The following HACL1 variants were observed in gnomAD, a reference collection of about 807,000 sequenced individuals.
HACL1 encodes the protein 1600020H07Rik.
In HACL1, 64 loss-of-function variants were observed where a neutral mutation model predicts 74.2. The ratio of observed to expected loss-of-function variants is 0.86; its 90% confidence interval spans 0.70 to 1.06. The LOEUF (loss-of-function observed/expected upper bound fraction) is 1.06. Ranked by LOEUF, HACL1 falls within the 50% of genes least tolerant of loss-of-function variation. The pLI is 0.00. For synonymous variants in HACL1, 230 were observed against 238.8 expected (o/e 0.96, Z 0.34); for missense variants, 728 against 719.7 (o/e 1.01, Z -0.13).
rs1055990257 is a variant in HACL1 at position 15,560,814 on chromosome 3, T to C, written c.*51A>G. 1.5e-6 allele frequency: 2 copies of C among 1,305,242 alleles called. No homozygotes were observed. The highest frequency in any genetic ancestry group is 2.9e-5 in the African/African-American group (2 of 67,920). 80.9% of individuals were successfully genotyped at this position (1,305,242 alleles called of 1,614,324 possible). A position where few individuals can be genotyped will look rare whatever the true frequency, so the allele number is the denominator to read the frequency against. ...AGTAATTTTGCTGTGGAAAATAAAA[T>C]TTCATCTTGCAAGAAAGAGAAAACT... On this transcript the variant is annotated 3_prime_UTR_variant, in exon 17 of 17. Coordinates refer to ENST00000321169, the MANE Select transcript of HACL1 (RefSeq NM_012260.4).
chr3:15,567,926 T>C lies in HACL1; in HGVS notation c.1327A>G (p.Arg443Gly). Reference protein sequence around the residue: ...AIAAAVVAKDRSPGQWIICVE... With the variant: ...AIAAAVVAKDGSPGQWIICVE... The stretch of plus-strand genomic sequence containing the variant: ...CAGATGATCCATTGCCCAGGGCTTC[T>C]ATCTTTAGCCACCACGGCAGCTGCA... The change falls in exon 14 of 17, where the codon AGA becomes GGA. Residue 443 changes from arginine to glycine, a missense_variant. Arg to Gly is a moderately radical substitution (Grantham distance 125). Transcript: ENST00000321169. The C allele has an allele frequency of 1.2e-6, 2 of 1,614,070 alleles. No homozygotes were observed. The highest frequency in any genetic ancestry group is 1.7e-6 in the Non-Finnish European group (2 of 1,179,876).
intron 2 of HACL1, among the ~76,000 whole-genome samples, chr3:15,599,563 A>T (rs912784272): frequency 6.6e-6 from 1 of 151,794 alleles, no homozygotes; most frequent in Non-Finnish European, 1.5e-5. Flanking sequence ...CCTCCCCTCA[A>T]CCTACCTACC....
chr3:15,588,676 T>G (rs2063834889), intron 5 of HACL1, among the ~76,000 whole-genome samples: 1 of 152,190 alleles, frequency 6.6e-6, no homozygotes, highest in Admixed American at 6.5e-5. Context: ...CTCAAACATT[T>G]GGGCTCCAGC....
intron 5 of HACL1, among the ~76,000 whole-genome samples, chr3:15,588,195 T>A (rs140218086): frequency 2.0e-5 from 3 of 152,194 alleles, no homozygotes; most frequent in African/African-American, 7.2e-5. Context: ...TGCCCGGCTG[T>A]CTAATGATTT....
chr3:15,591,782 A>G, intron 3 of HACL1, 102 bp from the exon 4 acceptor site: 1 of 682,634 alleles, frequency 1.5e-6, no homozygotes, highest in Admixed American at 2.5e-5. Flanking sequence ...AAGGAAGGAC[A>G]TACAAGTCTT....
chr3:15,562,850 C>G (rs544245678), intron 16 of HACL1, among the ~76,000 whole-genome samples: 1 of 152,336 alleles, frequency 6.6e-6, no homozygotes, highest in Admixed American at 6.5e-5. Context: ...CCCTCTTCCT[C>G]AGACTTGCCA....
intron 11 of HACL1, 21 bp from the exon 12 acceptor site, chr3:15,571,790 C>A (rs776265808): frequency 1.1e-5 from 8 of 744,472 alleles, no homozygotes; most frequent in African/African-American, 5.6e-5. Context: ...AAAAAACACA[C>A]ACACACAAAC....
At chr3:15,580,114 A>C in intron 8 of HACL1, 69 bp from the exon 9 acceptor site, 1 of 1,272,456 alleles carries the variant, frequency 7.9e-7, no homozygotes, top group Non-Finnish European at 1.1e-6. Context: ...AAAAAAGTTC[A>C]TGTGAAATTG....
intron 9 of HACL1, among the ~76,000 whole-genome samples, chr3:15,575,673 T>C (rs540349913): frequency 2.0e-5 from 3 of 152,150 alleles, no homozygotes; most frequent in East Asian, 1.9e-4. Flanking sequence ...TCCTGAGCAG[T>C]TGGGACTACA....
chr3:15,569,342 C>A (rs529687470), intron 12 of HACL1, among the ~76,000 whole-genome samples: 3 of 152,294 alleles, frequency 2.0e-5, no homozygotes, highest in East Asian at 3.9e-4. Flanking sequence ...AAACCAACAT[C>A]GTTCCTATGC....
chr3:15,577,178 C>A (rs890631602), intron 9 of HACL1, among the ~76,000 whole-genome samples: 32 of 152,160 alleles, frequency 2.1e-4, no homozygotes, highest in Non-Finnish European at 4.1e-4. Context: ...AAAGATCTAG[C>A]AGCAAACATT....
At chr3:15,597,084 A>G (rs1186462579) in intron 2 of HACL1, among the ~76,000 whole-genome samples, 1 of 152,118 alleles carries the variant, frequency 6.6e-6, no homozygotes, top group Non-Finnish European at 1.5e-5. Flanking sequence ...TCTTCAACCC[A>G]TTGGTTAATT....
rs753033322 is a variant in HACL1, at chr3:15,568,436, G to C, written c.1246C>G (p.His416Asp). The C allele has an allele frequency of 2.7e-5, 43 of 1,577,148 alleles. No homozygotes were observed. Among genetic ancestry groups the C allele is most frequent in the Non-Finnish European group, 3.6e-5 (42 of 1,158,486 alleles). ...TTTCTTCTTTAGAAGTCTTACCTGT[G>C]ACGAGGAAGGTAGTTCTGAAGCACA... ...RTVLQNYLPR[H>D]RLDAGTFGTM... Residue 416 changes from histidine (H) to aspartate (D), a missense_variant, in exon 13 of 17, where the codon CAC becomes GAC. Coordinates refer to ENST00000321169, the MANE Select transcript of HACL1 (RefSeq NM_012260.4).
intron 12 of HACL1, among the ~76,000 whole-genome samples, chr3:15,569,484 G>C (rs948058821): frequency 6.6e-6 from 1 of 152,066 alleles, no homozygotes; most frequent in African/African-American, 2.4e-5. Flanking sequence ...AGGAGTTCGA[G>C]ATCATCCTGG....
At chr3:15,600,155 C>T (rs1174119954) in intron 2 of HACL1, among the ~76,000 whole-genome samples, 2 of 149,914 alleles carry the variant, frequency 1.3e-5, no homozygotes, top group Non-Finnish European at 2.9e-5. Flanking sequence ...GCATCTACAC[C>T]ACGTGAAAGC....
chr3:15,572,314 G>A (rs922894255), intron 11 of HACL1, among the ~76,000 whole-genome samples: 1 of 152,076 alleles, frequency 6.6e-6, no homozygotes, highest in African/African-American at 2.4e-5. Context: ...GTGGGTGTCT[G>A]CCAGATGCTA....
intron 11 of HACL1, 66 bp from the exon 12 acceptor site, chr3:15,571,835 T>A: frequency 5.6e-6 from 3 of 536,078 alleles, no homozygotes; most frequent in Admixed American, 3.9e-5. Context: ...TTTTCTTTTT[T>A]TTTTTTTTTT....
chr3:15,571,901 G>T (rs527594320), intron 11 of HACL1, 132 bp from the exon 12 acceptor site: 2 of 510,208 alleles, frequency 3.9e-6, no homozygotes, highest in South Asian at 4.7e-5. Context: ...GTGCAGTGGC[G>T]CAATCTCAGC....
intron 9 of HACL1, among the ~76,000 whole-genome samples, chr3:15,576,910 G>T (rs2063636720): frequency 6.6e-6 from 1 of 152,076 alleles, no homozygotes; most frequent in Non-Finnish European, 1.5e-5. Context: ...ACAGATAACT[G>T]CAATCAGCAG....
Sources: allele counts gnomAD v4.1 joint callset (sites outside exome capture counted in the v4.1 genomes callset), GRCh38; gene constraint gnomAD v4.1.1; transcripts MANE v1.5; gene names NCBI Gene and HGNC (gene_info 2026-07-23, HGNC 2026-07-21).